Variants in ARB2A observed in about 807,000 individuals in gnomAD.
The protein encoded by ARB2A is cotranscriptional regulator ARB2A.
the ARB2A span, among the ~76,000 whole-genome samples, chr5:93,904,367 A>G: frequency 2.6e-5 from 4 of 151,958 alleles, no homozygotes; most frequent in East Asian, 1.9e-4. Context: ...GTTAAAAGTT[A>G]TATCTTTCTC....
chr5:93,870,582 A>G, the ARB2A span, among the ~76,000 whole-genome samples: 1 of 152,240 alleles, frequency 6.6e-6, no homozygotes, highest in African/African-American at 2.4e-5. Flanking sequence ...ATTTCATTAT[A>G]GTATTAAGAC....
At chr5:93,832,082 G>C in the ARB2A span, among the ~76,000 whole-genome samples, 1 of 152,134 alleles carries the variant, frequency 6.6e-6, no homozygotes, top group Non-Finnish European at 1.5e-5. Flanking sequence ...AAAAGATATA[G>C]AAAAGGAATC....
chr5:93,622,256 T>A, the ARB2A span, among the ~76,000 whole-genome samples: 1 of 152,212 alleles, frequency 6.6e-6, no homozygotes, highest in Non-Finnish European at 1.5e-5. Flanking sequence ...AATCTCTTCC[T>A]AGATCACTCA....
chr5:93,893,196 C>CG, the ARB2A span, among the ~76,000 whole-genome samples: 1 of 152,140 alleles, frequency 6.6e-6, no homozygotes, highest in African/African-American at 2.4e-5. Context: ...ATAACTGCCA[C>CG]TGCCGAGATC....
chr5:93,843,362 CT>C, the ARB2A span, among the ~76,000 whole-genome samples: 2 of 151,004 alleles, frequency 1.3e-5, no homozygotes, highest in Non-Finnish European at 2.9e-5. Flanking sequence ...TTCAAAAACA[CT>C]TTCATTATTA....
At chr5:93,661,520 C>A in the ARB2A span, among the ~76,000 whole-genome samples, 7 of 152,072 alleles carry the variant, frequency 4.6e-5, no homozygotes, top group Admixed American at 1.3e-4. Context: ...GGACACAAAA[C>A]TAAGTATAGC....
At chr5:93,849,622 A>G in the ARB2A span, among the ~76,000 whole-genome samples, 1 of 152,114 alleles carries the variant, frequency 6.6e-6, no homozygotes, top group Non-Finnish European at 1.5e-5. Context: ...ATCCCCTTCT[A>G]ATTGAGGAAT....
At chr5:93,729,871 A>T in the ARB2A span, among the ~76,000 whole-genome samples, 1 of 151,376 alleles carries the variant, frequency 6.6e-6, no homozygotes, top group Non-Finnish European at 1.5e-5. Context: ...AACAATAATT[A>T]AAAAATCTAC....
At chr5:93,688,023 G>T in the ARB2A span, among the ~76,000 whole-genome samples, 5 of 151,486 alleles carry the variant, frequency 3.3e-5, no homozygotes, top group African/African-American at 1.2e-4. Flanking sequence ...ACCCAGGCTG[G>T]AGTGCAGTGG....
chr5:94,088,727 G>A, the ARB2A span, among the ~76,000 whole-genome samples: 4 of 152,126 alleles, frequency 2.6e-5, no homozygotes, highest in Non-Finnish European at 5.9e-5. Context: ...AAAATCTCAA[G>A]TGTCATTTAA....
the ARB2A span, among the ~76,000 whole-genome samples, chr5:94,056,383 A>G: frequency 6.6e-6 from 1 of 152,200 alleles, no homozygotes; most frequent in South Asian, 2.1e-4. Flanking sequence ...TACAGAAAGG[A>G]ACTGTCAGAA....
chr5:93,972,235 C>G, the ARB2A span, among the ~76,000 whole-genome samples: 1 of 152,136 alleles, frequency 6.6e-6, no homozygotes, highest in Non-Finnish European at 1.5e-5. Context: ...GTGCTACCTA[C>G]TGACTGTAGC....
chr5:93,972,638 G>C, the ARB2A span, among the ~76,000 whole-genome samples: 6 of 152,148 alleles, frequency 3.9e-5, no homozygotes, highest in Admixed American at 6.5e-5. Context: ...AGATAATTCA[G>C]AATATGGGTG....
chr5:93,806,279 G>A, the ARB2A span, among the ~76,000 whole-genome samples: 1 of 151,718 alleles, frequency 6.6e-6, no homozygotes, highest in African/African-American at 2.4e-5. Context: ...TTTTTCATTG[G>A]TATTTTCATA....
chr5:94,000,888 A>G, the ARB2A span, among the ~76,000 whole-genome samples: 2 of 152,116 alleles, frequency 1.3e-5, no homozygotes, highest in Admixed American at 1.3e-4. Context: ...TTGTTCCAGC[A>G]AATTGATTTA....
At chr5:93,741,814 T>C in the ARB2A span, 2 of 437,700 alleles carry the variant, frequency 4.6e-6, no homozygotes, top group South Asian at 6.3e-5. Flanking sequence ...CTTGTGGGAT[T>C]TGCATCTCCA....
the ARB2A span, among the ~76,000 whole-genome samples, chr5:94,090,069 T>C: frequency 6.6e-6 from 1 of 152,178 alleles, no homozygotes. Context: ...TAAATATTCA[T>C]CTGACAAGAT....
the ARB2A span, among the ~76,000 whole-genome samples, chr5:93,858,276 G>GA: frequency 6.6e-6 from 1 of 152,178 alleles, no homozygotes; most frequent in Non-Finnish European, 1.5e-5. Context: ...ACCTTACCAA[G>GA]AATCCAGACT....
chr5:93,954,169 T>A, the ARB2A span, among the ~76,000 whole-genome samples: 1 of 151,996 alleles, frequency 6.6e-6, no homozygotes, highest in Admixed American at 6.6e-5. Context: ...CCTTTATTTT[T>A]CCCCCTGCTT....
Sources: gnomAD v4.1 joint callset for allele counts (sites outside exome capture counted in the v4.1 genomes callset) on GRCh38, gnomAD v4.1.1 for gene constraint, MANE v1.5 for transcripts, NCBI Gene and HGNC (gene_info 2026-07-23, HGNC 2026-07-21) for gene names.